SGCZ: variants seen among roughly 807,000 people sequenced by gnomAD.
SGCZ encodes sarcoglycan zeta, also known as zeta-sarcoglycan.
A neutral mutation model predicts 41.3 loss-of-function variants in SGCZ; 40 were observed. The observed-to-expected ratio is 0.97, with a 90% CI of 0.75 to 1.26. The LOEUF (loss-of-function observed/expected upper bound fraction) is 1.26. Ranked by LOEUF, SGCZ falls within the 50% of genes most tolerant of loss-of-function variation. SGCZ has a pLI of 0.00. For synonymous variants in SGCZ, 206 were observed against 137.5 expected, an observed-to-expected ratio of 1.50 and a Z score of -3.49; for missense variants, 552 against 369.8, an observed-to-expected ratio of 1.49 and a Z score of -4.04.
intron 1 of SGCZ, among the ~76,000 whole-genome samples, chr8:14,584,413 A>AT (rs1171892640): frequency 6.6e-6 from 1 of 152,076 alleles, no homozygotes; most frequent in Non-Finnish European, 1.5e-5. Context: ...CTAGGCTAAG[A>AT]TTTTTTAAAT....
chr8:14,247,674 C>T (rs1799150891), intron 3 of SGCZ, among the ~76,000 whole-genome samples: 1 of 152,184 alleles, frequency 6.6e-6, no homozygotes, highest in Admixed American at 6.5e-5. Flanking sequence ...CTCCTCTTAG[C>T]ACTTCTATGT....
chr8:14,340,334 T>C (rs1294236262), intron 2 of SGCZ, among the ~76,000 whole-genome samples: 2 of 152,178 alleles, frequency 1.3e-5, no homozygotes. Flanking sequence ...TCTGGTTAGT[T>C]ATGATCCAAT....
chr8:14,472,749 A>T (rs1038173555), intron 2 of SGCZ, among the ~76,000 whole-genome samples: 3 of 152,160 alleles, frequency 2.0e-5, no homozygotes, highest in Non-Finnish European at 4.4e-5. Flanking sequence ...ACTTTATTCT[A>T]TACAAATTTG....
intron 1 of SGCZ, among the ~76,000 whole-genome samples, chr8:15,138,928 A>T (rs2116991367): frequency 6.6e-6 from 1 of 152,310 alleles, no homozygotes; most frequent in South Asian, 2.1e-4. Context: ...ATGATAAAGA[A>T]ATGCCAACGA....
chr8:14,520,454 T>C (rs1326268561), intron 2 of SGCZ, among the ~76,000 whole-genome samples: 2 of 152,154 alleles, frequency 1.3e-5, no homozygotes. Context: ...AAGAAACCAA[T>C]GCTTTAGCAT....
chr8:14,884,099 A>T (rs1804698589), intron 1 of SGCZ, among the ~76,000 whole-genome samples: 1 of 152,162 alleles, frequency 6.6e-6, no homozygotes, highest in South Asian at 2.1e-4. Flanking sequence ...ATTATTTGAC[A>T]GATTGATTTC....
At chr8:14,634,063 T>A (rs140649525) in intron 1 of SGCZ, among the ~76,000 whole-genome samples, 1 of 151,894 alleles carries the variant, frequency 6.6e-6, no homozygotes, top group East Asian at 1.9e-4. Context: ...CAAGATAATA[T>A]GTAATTTCAC....
intron 1 of SGCZ, among the ~76,000 whole-genome samples, chr8:15,159,752 ACCCCCG>A (rs199666819): frequency 3.7e-5 from 1 of 26,994 alleles, no homozygotes; most frequent in Non-Finnish European, 7.4e-5. Flanking sequence ...CCTCCCCCCC[ACCCCCG>A]CCACACACAC....
At chr8:14,562,470 TATA>T (rs1475004747) in intron 1 of SGCZ, among the ~76,000 whole-genome samples, 1 of 152,026 alleles carries the variant, frequency 6.6e-6, no homozygotes, top group Non-Finnish European at 1.5e-5. Context: ...ATATAAGCAA[TATA>T]ATGTTAATTA....
chr8:14,765,552 G>A (rs570911653), intron 1 of SGCZ, among the ~76,000 whole-genome samples: 71 of 152,226 alleles, frequency 4.7e-4, no homozygotes, highest in African/African-American at 1.7e-3. Flanking sequence ...CCCTCAGAAT[G>A]GATAGGCAGA....
intron 1 of SGCZ, among the ~76,000 whole-genome samples, chr8:15,116,130 G>C (rs570577605): frequency 1.3e-5 from 2 of 152,242 alleles, no homozygotes; most frequent in South Asian, 2.1e-4. Flanking sequence ...GCAGCCATTA[G>C]TTTGCCTATC....
At chr8:14,581,569 A>G (rs998268630) in intron 1 of SGCZ, among the ~76,000 whole-genome samples, 2 of 152,116 alleles carry the variant, frequency 1.3e-5, no homozygotes, top group Admixed American at 1.3e-4. Flanking sequence ...TGGGAATGGC[A>G]TAGAGTGAAC....
At chr8:14,378,303 TG>T (rs1396805310) in intron 2 of SGCZ, among the ~76,000 whole-genome samples, 6 of 152,154 alleles carry the variant, frequency 3.9e-5, no homozygotes, top group African/African-American at 1.2e-4. Flanking sequence ...TTTTTTCATG[TG>T]TTTTTTGGCT....
chr8:15,128,829 C>T (rs994749096), intron 1 of SGCZ, among the ~76,000 whole-genome samples: 8 of 152,154 alleles, frequency 5.3e-5, no homozygotes, highest in Admixed American at 3.9e-4. Flanking sequence ...AAAATTCTCT[C>T]CTTCCCCTTA....
intron 1 of SGCZ, among the ~76,000 whole-genome samples, chr8:14,796,856 G>A (rs1801149556): frequency 6.6e-6 from 1 of 152,112 alleles, no homozygotes; most frequent in Non-Finnish European, 1.5e-5. Flanking sequence ...GGGTGAGTAA[G>A]TACCCACAAG....
At chr8:15,236,743 G>A (rs2117221321) in intron 1 of SGCZ, among the ~76,000 whole-genome samples, 1 of 152,302 alleles carries the variant, frequency 6.6e-6, no homozygotes, top group African/African-American at 2.4e-5. Flanking sequence ...TTGTCACCCC[G>A]GATGCTCCCT....
intron 4 of SGCZ, among the ~76,000 whole-genome samples, chr8:14,200,780 T>C (rs879651938): frequency 2.6e-5 from 4 of 152,180 alleles, no homozygotes; most frequent in Non-Finnish European, 5.9e-5. Flanking sequence ...GTATGATGCA[T>C]TCTAAAATGA....
chr8:14,878,681 A>G (rs1029180363), intron 1 of SGCZ, among the ~76,000 whole-genome samples: 2 of 152,206 alleles, frequency 1.3e-5, no homozygotes, highest in African/African-American at 4.8e-5. Flanking sequence ...GAACAGAGCA[A>G]ACGAAGTCTA....
At chr8:14,356,934 C>T (rs944804373) in intron 2 of SGCZ, among the ~76,000 whole-genome samples, 3 of 151,344 alleles carry the variant, frequency 2.0e-5, no homozygotes, top group African/African-American at 4.9e-5. Context: ...ATAAGTATGC[C>T]GATTAAGAAT....
Sources: allele counts gnomAD v4.1 joint callset (sites outside exome capture counted in the v4.1 genomes callset), GRCh38; gene constraint gnomAD v4.1.1; transcripts MANE v1.5; gene names NCBI Gene and HGNC (gene_info 2026-07-23, HGNC 2026-07-21).